Variants in SCN4B observed in about 807,000 individuals in gnomAD.
SCN4B encodes sodium channel regulatory subunit beta-4.
A neutral mutation model predicts 19.6 loss-of-function variants in SCN4B; 20 were observed. That is an observed-to-expected ratio of 1.02 (90% CI 0.72 to 1.48). The LOEUF is 1.48. Ranked by LOEUF, SCN4B falls within the 40% of genes most tolerant of loss-of-function variation. The probability of loss-of-function intolerance (pLI) is 0.00; values close to 1 mark genes in which losing one functional copy is unlikely to be tolerated. For synonymous variants in SCN4B, 127 were observed against 122.8 expected (o/e 1.03, Z -0.22); for missense variants, 271 against 287.5 (o/e 0.94, Z 0.42).
intron 3 of SCN4B, among the ~76,000 whole-genome samples, chr11:118,142,211 C>G (rs769856422): frequency 2.6e-5 from 4 of 152,232 alleles, no homozygotes; most frequent in Non-Finnish European, 4.4e-5. Context: ...CTCCCAGTGG[C>G]TCCCACCTCA....
rs756898386 is a variant in SCN4B, at chr11:118,143,935, G to T, written c.361C>A (p.Leu121Met). Residue 121 changes from leucine (L) to methionine (M), a missense_variant, in exon 3 of 5, where the codon CTG becomes ATG. Transcript: ENST00000324727. ...TATTTGCCCGTGTCGCTGAACTCCAGGTCCCTCAGCACAATGGAAATGTTG... is the reference window on the plus strand; with the variant it reads ...TATTTGCCCGTGTCGCTGAACTCCATGTCCCTCAGCACAATGGAAATGTTG... ...MNNISIVLRD[L>M]EFSDTGKYTC... 1 of 1,614,012 alleles carries T rather than the reference G, an allele frequency of 6.2e-7. No homozygotes were observed. Among genetic ancestry groups the T allele is most frequent in the Non-Finnish European group, 8.5e-7 (1 of 1,179,892 alleles).
intron 1 of SCN4B, among the ~76,000 whole-genome samples, chr11:118,146,166 C>G (rs1322972172): frequency 6.6e-6 from 1 of 152,170 alleles, no homozygotes; most frequent in African/African-American, 2.4e-5. Context: ...CCGAGCGCCC[C>G]CAGGCTTCTT....
At position 118,145,119 on chromosome 11, in the gene SCN4B, A is replaced by G; in HGVS notation, c.172T>C (p.Cys58Arg). The change falls in exon 2 of 5, where the codon TGC (cysteine) becomes CGC (arginine). Residue 58 changes from cysteine to arginine, a missense_variant. By Grantham distance (180) the Cys-to-Arg change is radical (BLOSUM62 -3). Transcript: ENST00000324727. ...AAGTGGAGGTCCTCGAAGCCAAAGC[A>G]GCTGGAGAAGGTGCAGGGCAGCAGG... is the stretch of plus-strand genomic sequence containing the variant. Reference protein sequence around the residue: ...EILLPCTFSSCFGFEDLHFRW... With the variant: ...EILLPCTFSSRFGFEDLHFRW... 1.2e-6 allele frequency: 2 copies of G among 1,614,204 alleles called. No homozygotes were observed. Among genetic ancestry groups the G allele is most frequent in the Non-Finnish European group, 1.7e-6 (2 of 1,180,026 alleles).
Position 118,135,920 on chromosome 11 carries a change from T to C in SCN4B, c.*1107A>G. ...GTGGCCCAGCTGAGCAGGAAGCAGC[T>C]GGGAAACCCAAGGACCCCCTCATCC... On this transcript the variant is annotated 3_prime_UTR_variant, in exon 5 of 5. Transcript: ENST00000324727. The C allele has an allele frequency of 2.2e-6, 1 of 454,070 alleles. No homozygotes were observed. Among genetic ancestry groups the C allele is most frequent in the South Asian group, 1.6e-5 (1 of 64,460 alleles). The allele number at this position is 454,070 out of a possible 1,614,324, so 28.1% of individuals were successfully genotyped here.
rs1948245287 is a variant in SCN4B at position 118,152,605 on chromosome 11, T to C, written c.61+8A>G. On this transcript the variant is annotated splice_region_variant and intron_variant, in intron 1 of 4. Coordinates refer to ENST00000324727, the MANE Select transcript of SCN4B (RefSeq NM_174934.4). ...GCAAGAGAAGAGACCAAGCTGGGGC[T>C]GCCTTACCCAAAAGCCCAGTGCCCA... 1 of 1,611,776 alleles carries C rather than the reference T, an allele frequency of 6.2e-7. No homozygotes were observed. The highest frequency in any genetic ancestry group is 1.7e-5 in the Admixed American group (1 of 59,910).
intron 1 of SCN4B, among the ~76,000 whole-genome samples, chr11:118,146,381 G>C (rs998424636): frequency 3.3e-5 from 5 of 151,982 alleles, no homozygotes; most frequent in Non-Finnish European, 5.9e-5. Flanking sequence ...CGGTGGAGGC[G>C]GGGGCGGGGA....
chr11:118,148,613 C>A lies in SCN4B; in HGVS notation c.62-3384G>T, dbSNP rs1948206318. Reference sequence around the variant, plus strand: ...AGGAGATTATAAAACACAAGAGGGGCCGCCGTGAGTGGGCACCCTGCAGGT... The same window carrying A: ...AGGAGATTATAAAACACAAGAGGGGACGCCGTGAGTGGGCACCCTGCAGGT... On this transcript the variant is annotated intron_variant, in intron 1 of 4. Coordinates refer to ENST00000324727, the MANE Select transcript of SCN4B (RefSeq NM_174934.4). The surrounding 1 kb of genome is among the most constrained non-coding windows in gnomAD (Gnocchi z 4.0). 6.6e-6 allele frequency among the ~76,000 whole-genome samples: 1 copy of A among 152,168 alleles called. No individual in the cohort carries two copies. Among genetic ancestry groups the A allele is most frequent in the South Asian group, 2.1e-4 (1 of 4,832 alleles).
At chr11:118,141,623 C>A in intron 3 of SCN4B, 1 of 493,266 alleles carries the variant, frequency 2.0e-6, no homozygotes, top group Non-Finnish European at 3.7e-6. Flanking sequence ...GAATTGGAGC[C>A]TATAACACTC....
At chr11:118,138,634 G>A (rs532388956) in intron 4 of SCN4B, among the ~76,000 whole-genome samples, 4 of 152,250 alleles carry the variant, frequency 2.6e-5, no homozygotes, top group African/African-American at 4.8e-5. Flanking sequence ...TGTCGGAAAC[G>A]TGCACTCTCC....
rs1444592614 is a variant in SCN4B at position 118,135,735 on chromosome 11, G to A, written c.*1292C>T. On this transcript the variant is annotated 3_prime_UTR_variant, in exon 5 of 5. Transcript: ENST00000324727. ...CACACCAGACTCTGCTGTTATGTCA[G>A]GACATACCGTCTAGAGAGGATGGGG... 1 of 454,502 alleles carries A rather than the reference G, an allele frequency of 2.2e-6. No homozygotes were observed. Among genetic ancestry groups the A allele is most frequent in the Non-Finnish European group, 4.4e-6 (1 of 226,796 alleles). The allele number at this position is 454,502 out of a possible 1,614,324, so 28.2% of individuals were successfully genotyped here. A position where few individuals can be genotyped will look rare whatever the true frequency, so the allele number is the denominator to read the frequency against.
At position 118,134,206 on chromosome 11, in the gene SCN4B, GA is replaced by G. The variant is rs1205826186; in HGVS notation, c.*2820del. 1 of 454,076 alleles carries G rather than the reference GA, an allele frequency of 2.2e-6. No individual in the cohort carries two copies. The highest frequency in any genetic ancestry group is 2.0e-5 in the African/African-American group (1 of 50,020). 28.1% of individuals were successfully genotyped at this position (454,076 alleles called of 1,614,324 possible). A position where few individuals can be genotyped will look rare whatever the true frequency, so the allele number is the denominator to read the frequency against. On this transcript the variant is annotated 3_prime_UTR_variant, in exon 5 of 5. Coordinates refer to ENST00000324727, the MANE Select transcript of SCN4B (RefSeq NM_174934.4). ...CAATTACGACATGGGGAGAAGCCCA[GA>G]ACCTGGAATGCTGATTTCATATTTT...
At chr11:118,140,160 A>G (rs1363265763) in intron 4 of SCN4B, among the ~76,000 whole-genome samples, 1 of 152,116 alleles carries the variant, frequency 6.6e-6, no homozygotes, top group Non-Finnish European at 1.5e-5. Flanking sequence ...GTTATGAAAA[A>G]CAGAACCTAA....
At chr11:118,152,573 G>C in intron 1 of SCN4B, 40 bp downstream of exon 1, 3 of 1,541,366 alleles carry the variant, frequency 1.9e-6, no homozygotes, top group Non-Finnish European at 2.7e-6. Context: ...TTTGGGGGTG[G>C]GGGGAGGCAA....
Position 118,135,180 on chromosome 11 carries a change from A to G in SCN4B, c.*1847T>C. The G allele has an allele frequency of 2.2e-6, 1 of 454,120 alleles. No individual in the cohort carries two copies. The highest frequency in any genetic ancestry group is 4.4e-6 in the Non-Finnish European group (1 of 226,792). The allele number at this position is 454,120 out of a possible 1,614,324, so 28.1% of individuals were successfully genotyped here. ...GAAAATCTGAGCCCCAGCCCATGAC[A>G]GGTTCTGGGTAGAGAAGAATGGGAG... On this transcript the variant is annotated 3_prime_UTR_variant, in exon 5 of 5. Transcript: ENST00000324727.
chr11:118,142,077 T>C (rs1948106385), intron 3 of SCN4B, among the ~76,000 whole-genome samples: 1 of 152,248 alleles, frequency 6.6e-6, no homozygotes, highest in Non-Finnish European at 1.5e-5. Context: ...ACAATCTCCC[T>C]GGCCCTGGCC....
rs748378787 is a variant in SCN4B, at chr11:118,145,077, T to C, written c.214A>G (p.Ser72Gly). The change falls in exon 2 of 5, where the codon AGC becomes GGC. Residue 72 changes from serine (S) to glycine (G), a missense_variant. Coordinates refer to ENST00000324727, the MANE Select transcript of SCN4B (RefSeq NM_174934.4). ...EDLHFRWTYN[S>G]SDAFKILIEG... ...CTTACAATCTTGAATGCGTCACTGC[T>C]GTTGTAGGTCCACCGGAAGTGGAGG... The C allele has an allele frequency of 2.5e-6, 4 of 1,614,116 alleles. No homozygotes were observed. The South Asian group carries it at 3.3e-5, about 13-fold the overall frequency.
chr11:118,137,194 G>T, intron 4 of SCN4B, 74 bp from the exon 5 acceptor site: 1 of 1,144,014 alleles, frequency 8.7e-7, no homozygotes. Context: ...CAGGAGCCGT[G>T]GGCCCTGCAC....
At position 118,133,442 on chromosome 11, in the gene SCN4B, T is replaced by C. The variant is rs1055568607; in HGVS notation, c.*3585A>G. 4.6e-5 allele frequency: 20 copies of C among 438,992 alleles called. No individual in the cohort carries two copies. The highest frequency in any genetic ancestry group is 7.3e-4 in the Middle Eastern group (1 of 1,376). The allele number at this position is 438,992 out of a possible 1,614,324, so 27.2% of individuals were successfully genotyped here. On this transcript the variant is annotated 3_prime_UTR_variant, in exon 5 of 5. Transcript: ENST00000324727. ...ATACAATTCTACAATGCAAAACTTG[T>C]TGTAGAGGCCAGACTGATTATATCC...
intron 1 of SCN4B, 73 bp from the exon 2 acceptor site, chr11:118,145,302 G>T: frequency 6.2e-7 from 1 of 1,604,208 alleles, no homozygotes; most frequent in Non-Finnish European, 8.5e-7. Flanking sequence ...GCTTAGGCAG[G>T]GCGGAGTAGC....
Sources: allele counts gnomAD v4.1 joint callset (sites outside exome capture counted in the v4.1 genomes callset), GRCh38; gene constraint gnomAD v4.1.1; non-coding constraint Gnocchi (gnomAD v3.1); transcripts MANE v1.5; gene names NCBI Gene and HGNC (gene_info 2026-07-23, HGNC 2026-07-21).